The following C1orf87 variants were observed in gnomAD, a reference collection of about 807,000 sequenced individuals.
C1orf87 encodes chromosome 1 open reading frame 87, also known as uncharacterized protein C1orf87.
A neutral mutation model predicts 60.5 loss-of-function variants in C1orf87; 58 were observed. That is an observed-to-expected ratio of 0.96 (90% CI 0.78 to 1.19). The LOEUF (loss-of-function observed/expected upper bound fraction) is 1.19. C1orf87 is among the 50% of genes most tolerant of loss of function. The pLI is 0.00. For missense variants in C1orf87, 673 were observed against 638.6 expected (o/e 1.05, Z -0.58); for synonymous variants, 236 against 227.4 (o/e 1.04, Z -0.34).
At chr1:60,051,148 T>C (rs1645411659) in intron 3 of C1orf87, among the ~76,000 whole-genome samples, 1 of 152,150 alleles carries the variant, frequency 6.6e-6, no homozygotes, top group Admixed American at 6.5e-5. Context: ...TTTAGTGAGA[T>C]GTGGGGATGA....
Position 60,040,026 on chromosome 1 carries a change from A to T in C1orf87, c.638T>A (p.Leu213His), listed in dbSNP as rs1027498408. ...KILDPISSGF[L>H]LQSQLSRLFL... Reference sequence around the variant, plus strand: ...GAGGCGGCTCAGCTGAGATTGGAGAAGAAATCCTGAAGAGATTGGGTCCAG... The same window carrying T: ...GAGGCGGCTCAGCTGAGATTGGAGATGAAATCCTGAAGAGATTGGGTCCAG... The change falls in exon 5 of 12, where the codon CTT becomes CAT. Residue 213 changes from leucine to histidine, a missense_variant. Coordinates refer to ENST00000371201, the MANE Select transcript of C1orf87 (RefSeq NM_152377.3). The T allele has an allele frequency of 1.2e-6, 2 of 1,614,100 alleles. No homozygotes were observed. The highest frequency in any genetic ancestry group is 1.7e-6 in the Non-Finnish European group (2 of 1,180,032).
chr1:60,016,258 A>G (rs1420499784), intron 8 of C1orf87, among the ~76,000 whole-genome samples: 1 of 152,174 alleles, frequency 6.6e-6, no homozygotes, highest in Non-Finnish European at 1.5e-5. Flanking sequence ...TAAAAGGAAA[A>G]CCAACTCATG....
At chr1:60,019,218 C>T (rs987917762) in intron 8 of C1orf87, among the ~76,000 whole-genome samples, 18 of 152,116 alleles carry the variant, frequency 1.2e-4, no homozygotes, top group Admixed American at 3.3e-4. Flanking sequence ...ATAGTTTTCA[C>T]GAGATCTGAT....
At chr1:60,034,296 G>A (rs1359668345) in intron 6 of C1orf87, among the ~76,000 whole-genome samples, 2 of 152,206 alleles carry the variant, frequency 1.3e-5, no homozygotes, top group South Asian at 2.1e-4. Context: ...AAACAACAGG[G>A]TGAGATGTTA....
At position 60,027,159 on chromosome 1, in the gene C1orf87, C is replaced by T. The variant is rs577999828; in HGVS notation, c.1030-1661G>A. Among the ~76,000 whole-genome samples, 3 of 152,318 alleles carry T rather than the reference C, an allele frequency of 2.0e-5. No homozygotes were observed. In the East Asian group the frequency reaches 5.8e-4, roughly 29 times the overall value. ...TATCTTTTTATATTGATACTTCAGCCTTCGCAGGGCTTTGTTGACCCTGGA... is the reference window on the plus strand; with the variant it reads ...TATCTTTTTATATTGATACTTCAGCTTTCGCAGGGCTTTGTTGACCCTGGA... On this transcript the variant is annotated intron_variant, in intron 7 of 11. Coordinates refer to ENST00000371201, the MANE Select transcript of C1orf87 (RefSeq NM_152377.3).
intron 10 of C1orf87, among the ~76,000 whole-genome samples, chr1:59,998,495 C>T (rs1229804710): frequency 7.0e-6 from 1 of 143,642 alleles, no homozygotes; most frequent in Non-Finnish European, 1.5e-5. Flanking sequence ...CCAGCAGTGC[C>T]ATATAAGGCA....
intron 8 of C1orf87, among the ~76,000 whole-genome samples, chr1:60,019,392 C>A (rs114876824): frequency 0.013 from 1,915 of 152,254 alleles, 27 homozygotes; most frequent in African/African-American, 0.044. Flanking sequence ...GTCAATTAAA[C>A]CTCTTTTCTT....
Position 60,060,090 on chromosome 1 carries a change from C to CTTT in C1orf87, c.108-4655_108-4653dup, listed in dbSNP as rs551034497. On this transcript the variant is annotated intron_variant, in intron 2 of 11. Transcript: ENST00000371201. The stretch of plus-strand genomic sequence containing the variant: ...GTATGAAGGTTTTTTGTTTCTTTTT[C>CTTT]TTTTTTTTTTTTTATGTCATGGAAC... 7.7e-4 allele frequency among the ~76,000 whole-genome samples: 110 copies of CTTT among 142,938 alleles called. 2 individuals carry two copies. Among genetic ancestry groups the CTTT allele is most frequent in the South Asian group, 6.8e-3 (31 of 4,550 alleles). 93.8% of individuals were successfully genotyped at this position (142,938 alleles called of 152,430 possible).
chr1:60,022,561 C>G (rs1042567122), intron 8 of C1orf87, among the ~76,000 whole-genome samples: 5 of 152,054 alleles, frequency 3.3e-5, no homozygotes, highest in Non-Finnish European at 7.4e-5. Context: ...GTACTGAACC[C>G]TATATATCCT....
At position 60,052,783 on chromosome 1, in the gene C1orf87, G is replaced by A. The variant is rs113597881; in HGVS notation, c.342+2421C>T. On this transcript the variant is annotated intron_variant, in intron 3 of 11. Coordinates refer to ENST00000371201, the MANE Select transcript of C1orf87 (RefSeq NM_152377.3). ...ATCTAGAAAGAGTTCTGATTGGTGT[G>A]CTTTTGTAACTGCGGCAGGATTCCA... Among the ~76,000 whole-genome samples the A allele has an allele frequency of 5.6e-3, 846 of 152,332 alleles. 4 individuals carry two copies. The highest frequency in any genetic ancestry group is 0.024 in the Middle Eastern group (7 of 294).
chr1:60,005,289 G>T (rs1487734128), intron 9 of C1orf87, among the ~76,000 whole-genome samples: 1 of 152,032 alleles, frequency 6.6e-6, no homozygotes, highest in Non-Finnish European at 1.5e-5. Flanking sequence ...TCTGTGGCTT[G>T]AACTAATTCA....
At chr1:59,998,612 A>G (rs1248355901) in intron 10 of C1orf87, among the ~76,000 whole-genome samples, 1 of 152,148 alleles carries the variant, frequency 6.6e-6, no homozygotes, top group Non-Finnish European at 1.5e-5. Flanking sequence ...TGTGGAAAGA[A>G]CTGCCATGTT....
chr1:59,993,654 G>A (rs906782204), intron 11 of C1orf87, among the ~76,000 whole-genome samples: 1 of 151,916 alleles, frequency 6.6e-6, no homozygotes, highest in Non-Finnish European at 1.5e-5. Flanking sequence ...TGTCATTAGG[G>A]GATGCCCAGA....
chr1:59,997,664 T>C lies in C1orf87; in HGVS notation c.1425A>G (p.Ile475Met), dbSNP rs1213660523. ...CATTTTCCAGCTTCCTGAACCTGTC[T>C]ATCCACGTCTCACATTCCTCAGCCT... is the stretch of plus-strand genomic sequence containing the variant. The part of the protein sequence containing the change: ...KNKAEECETW[I>M]DRFRKLENAL... The change falls in exon 11 of 12, where the codon ATA becomes ATG. Residue 475 changes from isoleucine (I) to methionine (M), a missense_variant. Coordinates refer to ENST00000371201, the MANE Select transcript of C1orf87 (RefSeq NM_152377.3). 6.2e-7 allele frequency: 1 copy of C among 1,613,974 alleles called. No individual in the cohort carries two copies. The highest frequency in any genetic ancestry group is 1.7e-5 in the Admixed American group (1 of 59,986).
At chr1:60,034,615 G>T (rs1178429575) in intron 6 of C1orf87, among the ~76,000 whole-genome samples, 1 of 152,192 alleles carries the variant, frequency 6.6e-6, no homozygotes, top group Non-Finnish European at 1.5e-5. Context: ...GGTGATTTCA[G>T]GCTACCACTG....
At chr1:59,995,058 G>A (rs909677986) in intron 11 of C1orf87, among the ~76,000 whole-genome samples, 1 of 152,160 alleles carries the variant, frequency 6.6e-6, no homozygotes, top group Non-Finnish European at 1.5e-5. Flanking sequence ...ATAGTGAAGA[G>A]GCCATGAGAA....
At chr1:60,064,831 AAT>A (rs1296727507) in intron 2 of C1orf87, among the ~76,000 whole-genome samples, 23 of 92,860 alleles carry the variant, frequency 2.5e-4, no homozygotes, top group Admixed American at 7.2e-4. Flanking sequence ...ATATATATTA[AAT>A]ATATAATTAT....
At chr1:60,026,152 T>G (rs1645196933) in intron 7 of C1orf87, among the ~76,000 whole-genome samples, 2 of 152,162 alleles carry the variant, frequency 1.3e-5, no homozygotes, top group African/African-American at 4.8e-5. Flanking sequence ...ACACTTAGAT[T>G]CAAATATTTC....
intron 11 of C1orf87, among the ~76,000 whole-genome samples, chr1:59,993,037 C>T (rs567499155): frequency 1.4e-4 from 22 of 152,180 alleles, no homozygotes; most frequent in African/African-American, 4.1e-4. Flanking sequence ...CCACACCCTG[C>T]CTCTGGAAAT....
Sources: gnomAD v4.1 joint callset for allele counts (sites outside exome capture counted in the v4.1 genomes callset) on GRCh38, gnomAD v4.1.1 for gene constraint, MANE v1.5 for transcripts, NCBI Gene and HGNC (gene_info 2026-07-23, HGNC 2026-07-21) for gene names.